The following PTGER2 variants were observed in gnomAD, a reference collection of about 807,000 sequenced individuals.
PTGER2 encodes the protein prostaglandin E2 receptor EP2 subtype.
In PTGER2, 22 loss-of-function variants were observed where a neutral mutation model predicts 26.2. The ratio of observed to expected loss-of-function variants is 0.84; its 90% CI spans 0.60 to 1.20. PTGER2 has a LOEUF of 1.20. Among genes scored for constraint, PTGER2 ranks in the 50% most tolerant of loss-of-function variants. The pLI, the probability that PTGER2 is intolerant of heterozygous loss-of-function variation, is 0.00. For missense variants in PTGER2, 458 were observed against 475.2 expected, an observed-to-expected ratio of 0.96 and a Z score of 0.34; for synonymous variants, 219 against 208.9, an observed-to-expected ratio of 1.05 and a Z score of -0.42.
intron 1 of PTGER2, among the ~76,000 whole-genome samples, chr14:52,319,190 G>T (rs1265667450): frequency 2.0e-5 from 3 of 152,216 alleles, no homozygotes; most frequent in Admixed American, 1.3e-4. Flanking sequence ...ATTCCAACTA[G>T]TTAGCTTTAA....
chr14:52,315,006 G>A lies in PTGER2; in HGVS notation c.458G>A (p.Gly153Asp), dbSNP rs1289164456. ...FYQRRVSRSG[G>D]LAVLPVIYAV... is the part of the protein sequence containing the mutation. ...CAGCGCCGCGTCTCGCGCTCCGGGGGCCTGGCCGTGCTGCCTGTCATCTAT... is the reference window on the plus strand; with the variant it reads ...CAGCGCCGCGTCTCGCGCTCCGGGGACCTGGCCGTGCTGCCTGTCATCTAT... Residue 153 changes from glycine to aspartate, a missense_variant, in exon 1 of 2, where the codon GGC (glycine) becomes GAC (aspartate). Gly to Asp is a moderately conservative substitution (Grantham distance 94). Coordinates refer to ENST00000245457, the MANE Select transcript of PTGER2 (RefSeq NM_000956.4). 2 of 1,613,276 alleles carry A rather than the reference G, an allele frequency of 1.2e-6. No homozygotes were observed. The highest frequency in any genetic ancestry group is 1.7e-6 in the Non-Finnish European group (2 of 1,180,010).
In PTGER2 at chr14:52,314,430, C is replaced by T; in HGVS notation, c.-119C>T. 8.4e-7 allele frequency: 1 copy of T among 1,196,058 alleles called. No homozygotes were observed. The highest frequency in any genetic ancestry group is 1.1e-6 in the Non-Finnish European group (1 of 929,594). 74.1% of individuals were successfully genotyped at this position (1,196,058 alleles called of 1,614,324 possible). On this transcript the variant is annotated 5_prime_UTR_variant, in exon 1 of 2. Coordinates refer to ENST00000245457, the MANE Select transcript of PTGER2 (RefSeq NM_000956.4). The surrounding 1 kb of genome is among the most constrained non-coding windows in gnomAD (Gnocchi z 5.7). ...GCGCGCTGGGTGCGGGAAGGGGGCT[C>T]TGGATTTCGGTCCCTCCCCTTTTTC... is the stretch of plus-strand genomic sequence containing the variant.
intron 1 of PTGER2, among the ~76,000 whole-genome samples, chr14:52,320,804 G>A (rs1434556122): frequency 6.6e-6 from 1 of 152,162 alleles, no homozygotes; most frequent in East Asian, 1.9e-4. Context: ...CCTTGCAGCT[G>A]GGACATACAT....
chr14:52,320,586 GGCTTAA>G (rs1299933921), intron 1 of PTGER2, among the ~76,000 whole-genome samples: 1 of 152,198 alleles, frequency 6.6e-6, no homozygotes, highest in Non-Finnish European at 1.5e-5. Flanking sequence ...TCCAGCTAGA[GGCTTAA>G]GACCCAGTTC....
rs746872008 is a variant in PTGER2 at position 52,327,506 on chromosome 14, A to C, written c.*52A>C. 1.4e-6 allele frequency: 2 copies of C among 1,405,308 alleles called. No individual in the cohort carries two copies. Among genetic ancestry groups the C allele is most frequent in the East Asian group, 4.6e-5 (2 of 43,632 alleles). 87.1% of individuals were successfully genotyped at this position (1,405,308 alleles called of 1,614,324 possible). A position where few individuals can be genotyped will look rare whatever the true frequency, so the allele number is the denominator to read the frequency against. On this transcript the variant is annotated 3_prime_UTR_variant, in exon 2 of 2. Transcript: ENST00000245457. ...ATATAGCATCTGGAAGATCATTTTGAAATTGTTCCTTGGAGAAATGAAAAC... is the reference window on the plus strand; with the variant it reads ...ATATAGCATCTGGAAGATCATTTTGCAATTGTTCCTTGGAGAAATGAAAAC...
chr14:52,315,567 C>G (rs967730777), intron 1 of PTGER2, among the ~76,000 whole-genome samples, 176 bp downstream of exon 1: 3 of 152,188 alleles, frequency 2.0e-5, no homozygotes, highest in African/African-American at 7.2e-5. Context: ...TAGCCCACTT[C>G]CTTATCCTGG....
rs1256118356 is a variant in PTGER2, at chr14:52,327,616, A to G, written c.*162A>G. 26 of 618,778 alleles carry G rather than the reference A, an allele frequency of 4.2e-5. No homozygotes were observed. Among genetic ancestry groups the G allele is most frequent in the Non-Finnish European group, 6.0e-5 (22 of 366,032 alleles). 38.3% of individuals were successfully genotyped at this position (618,778 alleles called of 1,614,324 possible). ...GGTCAAGGCTACAGATGTGCTGACA[A>G]GGCACTTCATGTAAAGTGTCAGAAG... On this transcript the variant is annotated 3_prime_UTR_variant, in exon 2 of 2. Coordinates refer to ENST00000245457, the MANE Select transcript of PTGER2 (RefSeq NM_000956.4).
chr14:52,327,382 A>T lies in PTGER2; in HGVS notation c.1005A>T (p.Ser335=). Residue 335 remains serine (S), a synonymous_variant, in exon 2 of 2, where the codon TCA becomes TCT. Coordinates refer to ENST00000245457, the MANE Select transcript of PTGER2 (RefSeq NM_000956.4). ...GTTCAGTCCTCTGTTGTCGGATTTC[A>T]TTAAGAACACAAGATGCAACACAAA... ...LMRSVLCCRI[S]LRTQDATQTS... is the part of the protein sequence containing the mutation. 6.2e-7 allele frequency: 1 copy of T among 1,613,968 alleles called. No individual in the cohort carries two copies. The highest frequency in any genetic ancestry group is 8.5e-7 in the Non-Finnish European group (1 of 1,179,876).
rs748000321 is a variant in PTGER2, at chr14:52,314,872, G to A, written c.324G>A (p.Ala108=). The A allele has an allele frequency of 1.7e-5, 27 of 1,612,964 alleles. No homozygotes were observed. In the African/African-American group the frequency reaches 2.8e-4, roughly 17 times the overall value. Residue 108 remains alanine (A), a synonymous_variant, in exon 1 of 2, where the codon GCG becomes GCA. Transcript: ENST00000245457. The surrounding 1 kb of genome is among the most constrained non-coding windows in gnomAD (Gnocchi z 5.7). ...TLVALAPESR[A]CTYFAFAMTF... is the part of the protein sequence containing the mutation. ...TGGCACTGGCGCCCGAGAGCCGCGC[G>A]TGCACCTACTTCGCTTTCGCCATGA...
rs1164785752 is a variant in PTGER2 at position 52,314,685 on chromosome 14, TG to T, written c.139del (p.Ala47ArgfsTer25). The T allele has an allele frequency of 6.5e-7, 1 of 1,549,652 alleles. No homozygotes were observed. The highest frequency in any genetic ancestry group is 1.2e-5 in the South Asian group (1 of 81,978). On this transcript the variant is annotated frameshift_variant, in exon 1 of 2. Transcript: ENST00000245457. LOFTEE classifies it high-confidence loss of function. The surrounding 1 kb of genome is among the most constrained non-coding windows in gnomAD (Gnocchi z 5.7). ...GGGAACCTCATAGCACTGGCGCTGC[TG>T]GCGCGCCGCTGGCGGGGGGACGTGG... ...VLGNLIALAL[L>X]ARRWRGDVGC...
chr14:52,316,281 G>A (rs1360111202), intron 1 of PTGER2, among the ~76,000 whole-genome samples: 1 of 152,200 alleles, frequency 6.6e-6, no homozygotes, highest in Admixed American at 6.5e-5. Flanking sequence ...TCCTGGCATC[G>A]TGCTGCCTTG....
Position 52,315,216 on chromosome 14 carries a change from T to C in PTGER2, c.668T>C (p.Ile223Thr). 1 of 1,610,600 alleles carries C rather than the reference T, an allele frequency of 6.2e-7. No homozygotes were observed. The highest frequency in any genetic ancestry group is 8.5e-7 in the Non-Finnish European group (1 of 1,179,848). The change falls in exon 1 of 2, where the codon ATC becomes ACC. Residue 223 changes from isoleucine (I) to threonine (T), a missense_variant. Coordinates refer to ENST00000245457, the MANE Select transcript of PTGER2 (RefSeq NM_000956.4). ...AACTTCAGTGTCATTCTCAACCTCA[T>C]CCGCATGCACCGCCGAAGCCGGAGA... ...ACNFSVILNL[I>T]RMHRRSRRSR...
At chr14:52,326,843 A>G (rs890575025) in intron 1 of PTGER2, among the ~76,000 whole-genome samples, 3 of 152,230 alleles carry the variant, frequency 2.0e-5, no homozygotes, top group Non-Finnish European at 4.4e-5. Context: ...CATGACACAT[A>G]TATTAGGTTA....
chr14:52,315,539 C>A, intron 1 of PTGER2, 148 bp downstream of exon 1: 3 of 1,125,544 alleles, frequency 2.7e-6, no homozygotes, highest in Non-Finnish European at 3.7e-6. Flanking sequence ...GCCTTCCCCA[C>A]TAGTTTCCCC....
intron 1 of PTGER2, among the ~76,000 whole-genome samples, chr14:52,324,271 A>C (rs2033926714): frequency 6.6e-6 from 1 of 152,178 alleles, no homozygotes; most frequent in African/African-American, 2.4e-5. Flanking sequence ...GGTGGGGAGG[A>C]CCTGGGCCAA....
Position 52,314,386 on chromosome 14 carries a change from C to A in PTGER2, c.-163C>A. The A allele has an allele frequency of 1.2e-6, 1 of 853,968 alleles. No homozygotes were observed. Among genetic ancestry groups the A allele is most frequent in the East Asian group, 3.4e-5 (1 of 29,786 alleles). 52.9% of individuals were successfully genotyped at this position (853,968 alleles called of 1,614,324 possible). A position where few individuals can be genotyped will look rare whatever the true frequency, so the allele number is the denominator to read the frequency against. On this transcript the variant is annotated 5_prime_UTR_variant, in exon 1 of 2. Coordinates refer to ENST00000245457, the MANE Select transcript of PTGER2 (RefSeq NM_000956.4). The surrounding 1 kb of genome is among the most constrained non-coding windows in gnomAD (Gnocchi z 5.7). Reference sequence around the variant, plus strand: ...CGCCACTCGGCGCGCGGCGGGAGACCCAGGGCAAGCCGCCGTCGGCGCGCT... The same window carrying A: ...CGCCACTCGGCGCGCGGCGGGAGACACAGGGCAAGCCGCCGTCGGCGCGCT...
At chr14:52,320,958 G>C (rs1203303679) in intron 1 of PTGER2, among the ~76,000 whole-genome samples, 1 of 152,180 alleles carries the variant, frequency 6.6e-6, no homozygotes, top group East Asian at 1.9e-4. Context: ...ATGAGTTTAT[G>C]TTTATATGTT....
Position 52,314,814 on chromosome 14 carries a change from T to C in PTGER2, c.266T>C (p.Val89Ala). The change falls in exon 1 of 2, where the codon GTA becomes GCA. Residue 89 changes from valine (V) to alanine (A), a missense_variant. Val to Ala is a moderately conservative substitution (Grantham distance 64). Transcript: ENST00000245457. The surrounding 1 kb of genome is among the most constrained non-coding windows in gnomAD (Gnocchi z 5.7). ...GGGACCTGCCTCATCAGCCCAGTGG[T>C]ACTGGCTTCGTACGCGCGGAACCAG... Reference protein sequence around the residue: ...LLGTCLISPVVLASYARNQTL... With the variant: ...LLGTCLISPVALASYARNQTL... 6.2e-7 allele frequency: 1 copy of C among 1,613,078 alleles called. No individual in the cohort carries two copies. The highest frequency in any genetic ancestry group is 8.5e-7 in the Non-Finnish European group (1 of 1,179,932).
At chr14:52,316,791 G>A (rs544695305) in intron 1 of PTGER2, among the ~76,000 whole-genome samples, 48 of 152,276 alleles carry the variant, frequency 3.2e-4, no homozygotes, top group African/African-American at 1.1e-3. Flanking sequence ...TCCTCTGTCA[G>A]GGCAGAAACT....
Sources: allele counts gnomAD v4.1 joint callset (sites outside exome capture counted in the v4.1 genomes callset), GRCh38; gene constraint gnomAD v4.1.1; non-coding constraint Gnocchi (gnomAD v3.1); transcripts MANE v1.5; gene names NCBI Gene and HGNC (gene_info 2026-07-23, HGNC 2026-07-21).